The following CREB5 variants were observed in gnomAD, a reference collection of about 807,000 sequenced individuals.
CREB5 encodes cAMP responsive element binding protein 5, also known as cyclic AMP-responsive element-binding protein 5.
In CREB5, 19 loss-of-function variants were observed where a neutral mutation model predicts 57.1. The ratio of observed to expected loss-of-function variants is 0.33; its 90% CI spans 0.23 to 0.49. The LOEUF (loss-of-function observed/expected upper bound fraction) is 0.49, where lower values mean the gene tolerates loss of function less well. Among genes scored for constraint, CREB5 ranks in the 20% least tolerant of loss-of-function variants. CREB5 has a pLI of 0.99. For missense variants in CREB5, 579 were observed against 671.6 expected, an observed-to-expected ratio of 0.86 and a Z score of 1.52; for synonymous variants, 238 against 238.3, an observed-to-expected ratio of 1.00 and a Z score of 0.01.
chr7:28,314,437 AG>A (rs1305551154), intron 1 of CREB5, among the ~76,000 whole-genome samples: 2 of 152,334 alleles, frequency 1.3e-5, no homozygotes, highest in Admixed American at 1.3e-4. Context: ...TGCTGATTAT[AG>A]GGCATGAATC....
At chr7:28,301,408 A>ATCTT (rs1414154249) in intron 1 of CREB5, among the ~76,000 whole-genome samples, 2 of 152,204 alleles carry the variant, frequency 1.3e-5, no homozygotes, top group African/African-American at 4.8e-5. Flanking sequence ...TCACCTGGGG[A>ATCTT]TCTTGTTATT....
intron 1 of CREB5, chr7:28,435,674 A>G (rs958342975): frequency 4.1e-6 from 4 of 984,840 alleles, no homozygotes; most frequent in Admixed American, 6.2e-5. Flanking sequence ...TGAGGAGCTC[A>G]TATTTATTTT....
rs570939392 is a variant in CREB5, at chr7:28,385,743, TG to T, written c.-25+86304del. 6.0e-3 allele frequency among the ~76,000 whole-genome samples: 907 copies of T among 152,180 alleles called. 4 individuals are homozygous for T. Among genetic ancestry groups the T allele is most frequent in the Non-Finnish European group, 9.2e-3 (628 of 68,004 alleles). Reference sequence around the variant, plus strand: ...AAATGGTATGAGTTTTTTTTATAATTGGTTTTTAGAATAAAAATATAAATTA... The same window carrying T: ...AAATGGTATGAGTTTTTTTTATAATTGTTTTTAGAATAAAAATATAAATTA... On this transcript the variant is annotated intron_variant, in intron 1 of 9. Coordinates refer to the CREB5 transcript ENST00000396299.
chr7:28,469,575 T>A (rs1273735700), intron 1 of CREB5, among the ~76,000 whole-genome samples: 2 of 152,264 alleles, frequency 1.3e-5, no homozygotes, highest in Non-Finnish European at 2.9e-5. Flanking sequence ...CACACTATTC[T>A]TGCTTGTTAT....
intron 5 of CREB5, among the ~76,000 whole-genome samples, chr7:28,664,438 C>T (rs1435740403): frequency 1.3e-5 from 2 of 152,132 alleles, no homozygotes; most frequent in Non-Finnish European, 2.9e-5. Context: ...TTCTTTCTCT[C>T]CTTTCCTTCC....
At chr7:28,637,236 T>A (rs759683970) in intron 5 of CREB5, among the ~76,000 whole-genome samples, 4 of 152,190 alleles carry the variant, frequency 2.6e-5, no homozygotes, top group Non-Finnish European at 5.9e-5. Flanking sequence ...TAATTCATAT[T>A]ATAATTCAAA....
chr7:28,717,437 C>A (rs1265808942), intron 5 of CREB5, among the ~76,000 whole-genome samples: 2 of 152,108 alleles, frequency 1.3e-5, no homozygotes, highest in African/African-American at 4.8e-5. Context: ...AAAACTTTAT[C>A]TTCTTTGAAA....
intron 1 of CREB5, among the ~76,000 whole-genome samples, chr7:28,474,634 T>C (rs972945380): frequency 4.6e-5 from 7 of 152,148 alleles, no homozygotes; most frequent in Non-Finnish European, 7.4e-5. Context: ...TAGAACTGCG[T>C]TTAAGGTCCT....
At chr7:28,483,975 C>T (rs1791452327) in intron 1 of CREB5, among the ~76,000 whole-genome samples, 1 of 152,170 alleles carries the variant, frequency 6.6e-6, no homozygotes. Flanking sequence ...AGAGAATGGG[C>T]AAGCTGTTTG....
chr7:28,677,172 T>C (rs1398139820), intron 5 of CREB5, among the ~76,000 whole-genome samples: 2 of 152,238 alleles, frequency 1.3e-5, no homozygotes, highest in African/African-American at 2.4e-5. Context: ...AATGTATTTA[T>C]ATATTTTTTT....
At chr7:28,814,076 T>G (rs572785455) in intron 9 of CREB5, among the ~76,000 whole-genome samples, 2 of 152,346 alleles carry the variant, frequency 1.3e-5, no homozygotes, top group African/African-American at 4.8e-5. Flanking sequence ...AGGCCTGGTT[T>G]TTATTTCCCT....
intron 1 of CREB5, among the ~76,000 whole-genome samples, chr7:28,455,445 G>C (rs1167066042): frequency 6.6e-6 from 1 of 152,192 alleles, no homozygotes; most frequent in African/African-American, 2.4e-5. Flanking sequence ...AGGCAGAAAG[G>C]GCACTGCTGA....
chr7:28,393,718 G>A (rs1186366986), intron 1 of CREB5, among the ~76,000 whole-genome samples: 1 of 152,166 alleles, frequency 6.6e-6, no homozygotes, highest in African/African-American at 2.4e-5. Context: ...AAGAGATGAG[G>A]GGAGGAATTG....
At chr7:28,551,109 A>G (rs1421184101) in intron 4 of CREB5, among the ~76,000 whole-genome samples, 3 of 152,140 alleles carry the variant, frequency 2.0e-5, no homozygotes, top group African/African-American at 7.2e-5. Context: ...GATGATTACC[A>G]GTGCCAAGCC....
intron 4 of CREB5, among the ~76,000 whole-genome samples, chr7:28,525,336 A>C (rs1009258656): frequency 3.3e-5 from 5 of 152,198 alleles, no homozygotes; most frequent in Non-Finnish European, 5.9e-5. Flanking sequence ...CTTTGGATAA[A>C]TACTCAGTAG....
At chr7:28,626,899 T>C (rs1308082698) in intron 5 of CREB5, among the ~76,000 whole-genome samples, 1 of 152,200 alleles carries the variant, frequency 6.6e-6, no homozygotes, top group Non-Finnish European at 1.5e-5. Flanking sequence ...TTTCTGTTCC[T>C]AGGCTGGAGA....
At chr7:28,318,055 T>C (rs1785414264) in intron 1 of CREB5, among the ~76,000 whole-genome samples, 1 of 152,242 alleles carries the variant, frequency 6.6e-6, no homozygotes, top group Non-Finnish European at 1.5e-5. Context: ...CAATAAATTC[T>C]TATATTTCTA....
intron 5 of CREB5, among the ~76,000 whole-genome samples, chr7:28,633,528 A>G (rs1798287806): frequency 6.6e-6 from 1 of 152,218 alleles, no homozygotes; most frequent in Non-Finnish European, 1.5e-5. Flanking sequence ...CTGAGGAAGT[A>G]AAGAAGGTGT....
In CREB5 at chr7:28,643,184, C is replaced by T. The variant is rs147230448; in HGVS notation, c.464+72647C>T. On this transcript the variant is annotated intron_variant, in intron 5 of 10. Transcript: ENST00000357727. ...GAATTTTTTTCTCTCGCTCAATTTG[C>T]GTAACAATGTGAGTATATCTAAGAA... Among the ~76,000 whole-genome samples the T allele has an allele frequency of 1.7e-4, 26 of 152,162 alleles. No individual in the cohort carries two copies. The East Asian group carries it at 3.9e-3, about 23-fold the overall frequency.
Sources: gnomAD v4.1 joint callset for allele counts (sites outside exome capture counted in the v4.1 genomes callset) on GRCh38, gnomAD v4.1.1 for gene constraint, MANE v1.5 for transcripts, NCBI Gene and HGNC (gene_info 2026-07-23, HGNC 2026-07-21) for gene names.